Variants in CEP70 observed in about 807,000 individuals in gnomAD.
CEP70 encodes centrosomal protein 70.
A neutral mutation model predicts 90.9 loss-of-function variants in CEP70; 70 were observed. That is an observed-to-expected ratio of 0.77 (90% CI 0.64 to 0.94). The LOEUF is 0.94. CEP70 is among the 40% of genes least tolerant of loss of function. The pLI is 0.00. For missense variants in CEP70, 648 were observed against 669.0 expected (o/e 0.97, Z 0.35); for synonymous variants, 220 against 228.3 (o/e 0.96, Z 0.33).
At chr3:138,512,023 A>G (rs1175343874) in intron 11 of CEP70, among the ~76,000 whole-genome samples, 1 of 152,340 alleles carries the variant, frequency 6.6e-6, no homozygotes, top group Non-Finnish European at 1.5e-5. Context: ...TTGGTGCCTC[A>G]GGAGTTAAGT....
intron 7 of CEP70, among the ~76,000 whole-genome samples, chr3:138,533,780 GTTTTT>G (rs923769600): frequency 3.3e-5 from 5 of 150,418 alleles, no homozygotes; most frequent in Non-Finnish European, 5.9e-5. Flanking sequence ...TTTATTTTTT[GTTTTT>G]TTTTGTTTGT....
chr3:138,519,016 C>T (rs1013965017), intron 11 of CEP70, among the ~76,000 whole-genome samples: 12 of 152,038 alleles, frequency 7.9e-5, no homozygotes, highest in Admixed American at 5.9e-4. Flanking sequence ...AACCAAGGCA[C>T]GACAACTACA....
chr3:138,553,970 G>A (rs754978113), intron 6 of CEP70, among the ~76,000 whole-genome samples: 5 of 152,172 alleles, frequency 3.3e-5, no homozygotes, highest in Non-Finnish European at 7.4e-5. Context: ...GCTGAGGTGG[G>A]TGGATCACCT....
intron 8 of CEP70, chr3:138,530,955 C>A (rs2037757647): frequency 2.4e-6 from 1 of 418,832 alleles, no homozygotes; most frequent in South Asian, 1.0e-4. Flanking sequence ...GAGAGAGACT[C>A]TTTTTATTGC....
chr3:138,503,626 A>G (rs933779671), intron 13 of CEP70, among the ~76,000 whole-genome samples: 1 of 152,202 alleles, frequency 6.6e-6, no homozygotes, highest in African/African-American at 2.4e-5. Context: ...AGTTACTCCA[A>G]TGGCAGAAGT....
intron 11 of CEP70, 55 bp downstream of exon 11, chr3:138,525,429 AATAAAT>A (rs1222353759): frequency 6.4e-5 from 38 of 596,400 alleles, no homozygotes; most frequent in Non-Finnish European, 9.4e-5. Context: ...TAAAAATAAA[AATAAAT>A]AAATAAAATA....
At chr3:138,524,798 A>G (rs1178337937) in intron 11 of CEP70, among the ~76,000 whole-genome samples, 2 of 152,130 alleles carry the variant, frequency 1.3e-5, no homozygotes, top group African/African-American at 4.8e-5. Context: ...AAATAGGAAC[A>G]CTTTTACACT....
rs185277298 is a variant in CEP70, at chr3:138,586,232, A to G, written c.-6+5622T>C. ...GAGTGCAGTGGCACAATCTCGGCTC[A>G]CTGCAACCTCTGCCTCCCAGGTTCA... On this transcript the variant is annotated intron_variant, in intron 2 of 17. Coordinates refer to ENST00000264982, the MANE Select transcript of CEP70 (RefSeq NM_024491.4). Among the ~76,000 whole-genome samples the G allele has an allele frequency of 5.0e-3, 768 of 152,176 alleles. 17 individuals are homozygous for G. The highest frequency in any genetic ancestry group is 2.5e-3 in the Non-Finnish European group (170 of 68,006).
In CEP70 at chr3:138,591,868, AT is replaced by A; in HGVS notation, c.-21del. 6.6e-7 allele frequency: 1 copy of A among 1,525,658 alleles called. No homozygotes were observed. The highest frequency in any genetic ancestry group is 8.8e-7 in the Non-Finnish European group (1 of 1,142,456). 94.5% of individuals were successfully genotyped at this position (1,525,658 alleles called of 1,614,324 possible). A position where few individuals can be genotyped will look rare whatever the true frequency, so the allele number is the denominator to read the frequency against. The stretch of plus-strand genomic sequence containing the variant: ...ATTAGACATACCTCAGTCATAGCAT[AT>A]TACTCTTGCACTTTACACCTGGTCA... On this transcript the variant is annotated 5_prime_UTR_variant, in exon 2 of 18. It removes the in-frame stop codon of an upstream open reading frame in the 5' UTR. Transcript: ENST00000264982.
At position 138,570,440 on chromosome 3, in the gene CEP70, AGTCAT is replaced by A. The variant is rs2041091749; in HGVS notation, c.338_342del (p.Asn113IlefsTer14). 6.2e-7 allele frequency: 1 copy of A among 1,610,352 alleles called. No individual in the cohort carries two copies. The highest frequency in any genetic ancestry group is 8.5e-7 in the Non-Finnish European group (1 of 1,178,926). ...TTCACACTTTCCATAATTTGTTCCA[AGTCAT>A]TAGCTCGTTGTTCTTGATTGGCTGC... On this transcript the variant is annotated frameshift_variant, in exon 6 of 18. Coordinates refer to ENST00000264982, the MANE Select transcript of CEP70 (RefSeq NM_024491.4). LOFTEE classifies it high-confidence loss of function.
intron 11 of CEP70, among the ~76,000 whole-genome samples, chr3:138,518,212 A>T (rs2036245255): frequency 6.6e-6 from 1 of 152,214 alleles, no homozygotes; most frequent in Non-Finnish European, 1.5e-5. Context: ...AGCCCACCGC[A>T]GCTCAAGGAA....
intron 11 of CEP70, among the ~76,000 whole-genome samples, chr3:138,513,952 T>TAA (rs34596838): frequency 0.01 from 1,403 of 140,268 alleles, 18 homozygotes; most frequent in African/African-American, 0.034. Context: ...ACTACAAATC[T>TAA]AAAAAAAAAA....
At chr3:138,543,444 C>G (rs1032379569) in intron 6 of CEP70, among the ~76,000 whole-genome samples, 3 of 152,184 alleles carry the variant, frequency 2.0e-5, no homozygotes, top group African/African-American at 7.2e-5. Flanking sequence ...AGAGTGGGTA[C>G]TGGGAGTGAA....
At chr3:138,519,746 C>T (rs1216149940) in intron 11 of CEP70, among the ~76,000 whole-genome samples, 2 of 152,102 alleles carry the variant, frequency 1.3e-5, no homozygotes, top group Non-Finnish European at 1.5e-5. Context: ...TTATAAAGAC[C>T]GTCGAGGCTA....
Position 138,500,839 on chromosome 3 carries a change from G to T in CEP70, c.1264C>A (p.Pro422Thr). ...TCCTGCTTCTTCAAATTAAGCCAAG[G>T]TACCAGTTCTGCAGATAGTGTTTTC... ...SLKTLSAELV[P>T]WLNLKKQDEN... Residue 422 changes from proline to threonine, a missense_variant, in exon 14 of 18, where the codon CCT becomes ACT. Coordinates refer to ENST00000264982, the MANE Select transcript of CEP70 (RefSeq NM_024491.4). 1 of 1,603,808 alleles carries T rather than the reference G, an allele frequency of 6.2e-7. No individual in the cohort carries two copies. Among genetic ancestry groups the T allele is most frequent in the Non-Finnish European group, 8.5e-7 (1 of 1,173,572 alleles).
chr3:138,518,531 C>T (rs941464241), intron 11 of CEP70, among the ~76,000 whole-genome samples: 5 of 152,178 alleles, frequency 3.3e-5, no homozygotes, highest in Non-Finnish European at 7.3e-5. Flanking sequence ...CACCAATATC[C>T]GCTGTTCTGC....
intron 2 of CEP70, among the ~76,000 whole-genome samples, chr3:138,589,172 TA>T (rs1420732478): frequency 6.6e-6 from 1 of 152,164 alleles, no homozygotes; most frequent in African/African-American, 2.4e-5. Context: ...TCAAAACTTA[TA>T]CTACATATGT....
chr3:138,508,347 T>A lies in CEP70; in HGVS notation c.1050+92A>T, dbSNP rs78146857. The stretch of plus-strand genomic sequence containing the variant: ...ACACATAAATATGAGGTGCAAGTAT[T>A]CCTTACCAACTGATAATTTATTACA... On this transcript the variant is annotated intron_variant, in intron 12 of 17. Coordinates refer to ENST00000264982, the MANE Select transcript of CEP70 (RefSeq NM_024491.4). The A allele has an allele frequency of 1.6e-3, 1,268 of 808,152 alleles. 27 individuals are homozygous for A. The East Asian group carries it at 0.031, about 20-fold the overall frequency. The allele number at this position is 808,152 out of a possible 1,614,324, so 50.1% of individuals were successfully genotyped here. A position where few individuals can be genotyped will look rare whatever the true frequency, so the allele number is the denominator to read the frequency against.
intron 2 of CEP70, among the ~76,000 whole-genome samples, chr3:138,589,587 G>A (rs1195485445): frequency 6.6e-6 from 1 of 152,076 alleles, no homozygotes; most frequent in African/African-American, 2.4e-5. Context: ...GAACCCAGGA[G>A]GTGGAGGCTG....
Sources: gnomAD v4.1 joint callset for allele counts (sites outside exome capture counted in the v4.1 genomes callset) on GRCh38, gnomAD v4.1.1 for gene constraint, MANE v1.5 for transcripts, NCBI Gene and HGNC (gene_info 2026-07-23, HGNC 2026-07-21) for gene names.